Variants in IKZF1 observed in about 807,000 individuals in gnomAD.
IKZF1 encodes DNA-binding protein Ikaros.
IKZF1 carries 10 observed loss-of-function variants against 51.7 expected under a neutral mutation model. The ratio of observed to expected loss-of-function variants is 0.19; its 90% CI spans 0.12 to 0.33. The LOEUF (loss-of-function observed/expected upper bound fraction) is 0.33, where lower values mean the gene tolerates loss of function less well. Among genes scored for constraint, IKZF1 ranks in the 10% least tolerant of loss-of-function variants. The pLI, the probability that IKZF1 is intolerant of heterozygous loss-of-function variation, is 1.00. For synonymous variants in IKZF1, 280 were observed against 282.3 expected, an observed-to-expected ratio of 0.99 and a Z score of 0.08; for missense variants, 484 against 707.5, an observed-to-expected ratio of 0.68 and a Z score of 3.58.
In IKZF1 at chr7:50,403,532, C is replaced by T. The variant is rs1332799085; in HGVS notation, c.*2905C>T. The T allele has an allele frequency of 4.4e-6, 1 of 229,712 alleles. No homozygotes were observed. 14.2% of individuals were successfully genotyped at this position (229,712 alleles called of 1,614,324 possible). ...CGCCCCCTCCCTGACACCCCAGCTT[C>T]CCAGGATGTGGAAAGCCTGGATCTC... is the stretch of plus-strand genomic sequence containing the variant. On this transcript the variant is annotated 3_prime_UTR_variant, in exon 8 of 8. Transcript: ENST00000331340.
At chr7:50,386,679 G>T (rs1049907707) in intron 5 of IKZF1, among the ~76,000 whole-genome samples, 1 of 151,268 alleles carries the variant, frequency 6.6e-6, no homozygotes, top group Non-Finnish European at 1.5e-5. Flanking sequence ...CATATACATA[G>T]AAAATACAAA....
rs1795439455 is a variant in IKZF1 at position 50,327,765 on chromosome 7, G to T, written c.160+8G>T. On this transcript the variant is annotated splice_region_variant and intron_variant, in intron 3 of 7. Transcript: ENST00000331340. ...AGAGTGACAGAGTCGTGGGTAAGTG[G>T]GTCACCAGCGGCCTCTGTGCCTGTG... 6.2e-7 allele frequency: 1 copy of T among 1,605,348 alleles called. No individual in the cohort carries two copies. Among genetic ancestry groups the T allele is most frequent in the East Asian group, 2.2e-5 (1 of 44,528 alleles).
chr7:50,305,633 G>T (rs1788604478), intron 1 of IKZF1, among the ~76,000 whole-genome samples: 1 of 152,152 alleles, frequency 6.6e-6, no homozygotes, highest in African/African-American at 2.4e-5. Flanking sequence ...TCTAGGGACT[G>T]CAGCCCACCC....
intron 1 of IKZF1, among the ~76,000 whole-genome samples, chr7:50,314,977 C>T (rs1791152030): frequency 6.6e-6 from 1 of 152,224 alleles, no homozygotes; most frequent in Non-Finnish European, 1.5e-5. Context: ...GGCCCAAGGT[C>T]CCCCAGGGAT....
chr7:50,336,659 G>A (rs1797862607), intron 3 of IKZF1, among the ~76,000 whole-genome samples: 1 of 152,222 alleles, frequency 6.6e-6, no homozygotes, highest in East Asian at 1.9e-4. Flanking sequence ...GCCCCGTGGT[G>A]TTTGCCCCTT....
intron 3 of IKZF1, among the ~76,000 whole-genome samples, chr7:50,359,658 G>T (rs890667135): frequency 1.3e-5 from 2 of 152,230 alleles, no homozygotes; most frequent in African/African-American, 4.8e-5. Flanking sequence ...ATGTACACAC[G>T]TGCACACGTG....
chr7:50,379,875 G>A (rs1811361526), intron 4 of IKZF1, among the ~76,000 whole-genome samples: 1 of 152,216 alleles, frequency 6.6e-6, no homozygotes, highest in Non-Finnish European at 1.5e-5. Flanking sequence ...TTACTAGAGG[G>A]GGTTCAAACC....
chr7:50,404,442 T>A lies in IKZF1; in HGVS notation c.*3815T>A, dbSNP rs1353415550. On this transcript the variant is annotated 3_prime_UTR_variant, in exon 8 of 8. Coordinates refer to ENST00000331340, the MANE Select transcript of IKZF1 (RefSeq NM_006060.6). ...AAATAAATGCAACGAATACTCTGTCTGCCCTATCCCGTGAAGTCCACACTG... is the reference window on the plus strand; with the variant it reads ...AAATAAATGCAACGAATACTCTGTCAGCCCTATCCCGTGAAGTCCACACTG... The A allele has an allele frequency of 1.3e-5, 3 of 229,382 alleles. No homozygotes were observed. Among genetic ancestry groups the A allele is most frequent in the Non-Finnish European group, 2.6e-5 (3 of 115,616 alleles). 14.2% of individuals were successfully genotyped at this position (229,382 alleles called of 1,614,324 possible). A position where few individuals can be genotyped will look rare whatever the true frequency, so the allele number is the denominator to read the frequency against.
intron 3 of IKZF1, among the ~76,000 whole-genome samples, chr7:50,337,357 A>G (rs1419088107): frequency 2.6e-5 from 4 of 152,108 alleles, no homozygotes; most frequent in South Asian, 4.1e-4. Flanking sequence ...TGAGTCACCT[A>G]TGAGCTGGGC....
intron 3 of IKZF1, among the ~76,000 whole-genome samples, chr7:50,372,327 G>A (rs74850530): frequency 6.6e-6 from 1 of 152,142 alleles, no homozygotes; most frequent in African/African-American, 2.4e-5. Context: ...CCGTGGTGAC[G>A]GTGTTGCCCA....
chr7:50,327,600 A>G (rs372010080), intron 2 of IKZF1, 38 bp from the exon 3 acceptor site: 10 of 1,564,574 alleles, frequency 6.4e-6, no homozygotes, highest in Non-Finnish European at 8.7e-6. Context: ...CACCTTGACC[A>G]TGACCGCCCG....
chr7:50,335,347 G>GTGTATGTGTGTATGGGAGGTGTGTTT (rs1797423165), intron 3 of IKZF1, among the ~76,000 whole-genome samples: 1 of 143,960 alleles, frequency 6.9e-6, no homozygotes, highest in African/African-American at 2.6e-5. Flanking sequence ...GAGGTGTGTT[G>GTGTATGTGTGTATGGGAGGTGTGTTT]TGTATGTGTG....
chr7:50,365,640 C>G (rs1217695643), intron 3 of IKZF1, among the ~76,000 whole-genome samples: 1 of 152,130 alleles, frequency 6.6e-6, no homozygotes, highest in Admixed American at 6.5e-5. Context: ...ATGACAGTTG[C>G]TGGTGAGGTT....
Position 50,376,484 on chromosome 7 carries a change from T to A in IKZF1, c.161-49T>A, listed in dbSNP as rs563576678. On this transcript the variant is annotated intron_variant, in intron 3 of 7. Transcript: ENST00000331340. This position sits in a 1 kb window ranked among gnomAD's most constrained non-coding sequence, Gnocchi z 4.5. The stretch of plus-strand genomic sequence containing the variant: ...TTTGCTGCTGTGTTGTTTTGTTGAG[T>A]TTTTTTTTTGCAATGACACTGAGTG... The A allele has an allele frequency of 1.7e-4, 246 of 1,458,036 alleles. 5 individuals carry two copies. In the South Asian group the frequency reaches 2.9e-3, roughly 17 times the overall value. 90.3% of individuals were successfully genotyped at this position (1,458,036 alleles called of 1,614,324 possible).
chr7:50,375,710 C>G (rs1370866969), intron 3 of IKZF1, among the ~76,000 whole-genome samples: 2 of 125,162 alleles, frequency 1.6e-5, no homozygotes, highest in South Asian at 3.3e-4. Context: ...CTCCCACCCC[C>G]CCCCCCCACC....
At chr7:50,381,175 G>A (rs1036648753) in intron 4 of IKZF1, among the ~76,000 whole-genome samples, 3 of 152,204 alleles carry the variant, frequency 2.0e-5, no homozygotes, top group South Asian at 2.1e-4. Flanking sequence ...TTTAAATCTG[G>A]TGTGGATGTT....
chr7:50,327,880 G>A, intron 3 of IKZF1, 123 bp downstream of exon 3: 2 of 1,119,514 alleles, frequency 1.8e-6, no homozygotes, highest in Non-Finnish European at 2.5e-6. Flanking sequence ...GCATATTAAA[G>A]AAATATGGCA....
intron 3 of IKZF1, among the ~76,000 whole-genome samples, chr7:50,339,887 C>CATT: frequency 6.6e-6 from 1 of 152,288 alleles, no homozygotes; most frequent in South Asian, 2.1e-4. Flanking sequence ...GTCTAAATTA[C>CATT]ATTAATATGT....
At chr7:50,305,089 C>T (rs976439706) in intron 1 of IKZF1, among the ~76,000 whole-genome samples, 167 bp downstream of exon 1, 5 of 152,196 alleles carry the variant, frequency 3.3e-5, no homozygotes, top group Admixed American at 1.3e-4. Flanking sequence ...TGTCAAGCGT[C>T]TGTTGCTCTG....
Sources: allele counts gnomAD v4.1 joint callset (sites outside exome capture counted in the v4.1 genomes callset), GRCh38; gene constraint gnomAD v4.1.1; non-coding constraint Gnocchi (gnomAD v3.1); transcripts MANE v1.5; gene names NCBI Gene and HGNC (gene_info 2026-07-23, HGNC 2026-07-21).